KRTAP1-4: variants seen among roughly 807,000 people sequenced by gnomAD.
KRTAP1-4 encodes keratin-associated protein 1-4.
A neutral mutation model predicts 8.6 loss-of-function variants in KRTAP1-4; 5 were observed. The ratio of observed to expected loss-of-function variants is 0.58; its 90% CI spans 0.30 to 1.23. The LOEUF (loss-of-function observed/expected upper bound fraction) is 1.23. Among genes scored for constraint, KRTAP1-4 ranks in the 50% most tolerant of loss-of-function variants. KRTAP1-4 has a pLI of 0.07. For synonymous variants in KRTAP1-4, 50 were observed against 58.9 expected (o/e 0.85, Z 0.69); for missense variants, 157 against 160.7 (o/e 0.98, Z 0.12).
chr17:41,029,727 C>A lies in KRTAP1-4; in HGVS notation c.352G>T (p.Glu118Ter). ...CAACCTGGCTTTTAGCAGGTGGGCT[C>A]ACAGCAGTGGCAGCAGCAGGCTGGG... ...CRPACCCHCC[E>*]PTC The change falls in exon 1 of 1, where the codon GAG becomes TAG. Residue 118 changes from glutamate to a stop codon, truncating the protein, a stop_gained. Transcript: ENST00000377747. LOFTEE classifies it high-confidence loss of function. The A allele has an allele frequency of 6.4e-7, 1 of 1,558,980 alleles. No homozygotes were observed. Among genetic ancestry groups the A allele is most frequent in the Non-Finnish European group, 8.7e-7 (1 of 1,150,272 alleles).
rs183898893 is a variant in KRTAP1-4 at position 41,029,714 on chromosome 17, T to C, written c.365A>G (p.Ter122=). The change falls in exon 1 of 1, where the codon TAA becomes TGA. Residue 122 remains the stop codon, a stop_retained_variant. Coordinates refer to ENST00000377747, the MANE Select transcript of KRTAP1-4 (RefSeq NM_001257305.2). The stretch of plus-strand genomic sequence containing the variant: ...CTTAAGCGATCAGCAACCTGGCTTT[T>C]AGCAGGTGGGCTCACAGCAGTGGCA... ...CCCHCCEPTC[*] 4.2e-4 allele frequency: 641 copies of C among 1,535,940 alleles called. 6 individuals are homozygous for C. The East Asian group carries it at 9.9e-3, about 24-fold the overall frequency.
In KRTAP1-4 at chr17:41,030,145, T is replaced by A. The variant is rs577627198; in HGVS notation, c.-67A>T. On this transcript the variant is annotated 5_prime_UTR_variant, in exon 1 of 1. Coordinates refer to ENST00000377747, the MANE Select transcript of KRTAP1-4 (RefSeq NM_001257305.2). ...CTGAGTTTGGGCTGTACCTTCTATA[T>A]CTGTCCTTTGATATGTTCCCTAGAG... 1.2e-5 allele frequency: 18 copies of A among 1,540,398 alleles called. No individual in the cohort carries two copies. The highest frequency in any genetic ancestry group is 1.6e-5 in the Non-Finnish European group (18 of 1,139,718).
chr17:41,029,943 C>T lies in KRTAP1-4; in HGVS notation c.136G>A (p.Gly46Ser), dbSNP rs141392271. 49,638 of 1,608,874 alleles carry T rather than the reference C, an allele frequency of 0.031. 2,456 individuals carry two copies. Among genetic ancestry groups the T allele is most frequent in the East Asian group, 0.17 (7,626 of 44,592 alleles). Residue 46 changes from glycine to serine, a missense_variant, in exon 1 of 1, where the codon GGC (glycine) becomes AGC (serine). Gly to Ser is a moderately conservative substitution (Grantham distance 56). Coordinates refer to ENST00000377747, the MANE Select transcript of KRTAP1-4 (RefSeq NM_001257305.2). Reference sequence around the variant, plus strand: ...CCACCGCTGCCCTCCTGGCCATAGCCAATGCCACCACCAATGCCACAGCCG... The same window carrying T: ...CCACCGCTGCCCTCCTGGCCATAGCTAATGCCACCACCAATGCCACAGCCG... ...GTGCGIGGGIGYGQEGSGGSV... is the reference protein window; with the variant it reads ...GTGCGIGGGISYGQEGSGGSV...
In KRTAP1-4 at chr17:41,029,516, C is replaced by T. The variant is rs1036424522; in HGVS notation, c.*197G>A. ...CTCTGCTCAAGCAACGCAAGCTATC[C>T]AGAACACTGATTGATACATCTTTCA... is the stretch of plus-strand genomic sequence containing the variant. On this transcript the variant is annotated 3_prime_UTR_variant, in exon 1 of 1. Coordinates refer to ENST00000377747, the MANE Select transcript of KRTAP1-4 (RefSeq NM_001257305.2). 4.6e-5 allele frequency among the ~76,000 whole-genome samples: 7 copies of T among 152,212 alleles called. No homozygotes were observed. Among genetic ancestry groups the T allele is most frequent in the African/African-American group, 1.7e-4 (7 of 41,456 alleles).
rs768650360 is a variant in KRTAP1-4 at position 41,029,899 on chromosome 17, G to T, written c.180C>A (p.Ile60=). The T allele has an allele frequency of 4.4e-6, 7 of 1,606,496 alleles. No individual in the cohort carries two copies. Among genetic ancestry groups the T allele is most frequent in the Non-Finnish European group, 5.9e-6 (7 of 1,177,592 alleles). ...EGSGGSVSTR[I]RWCHPDCHVE... ...CGTGGCAATCTGGGTGGCACCACCTGATACGGGTGCTCACAGATCCACCGC... is the reference window on the plus strand; with the variant it reads ...CGTGGCAATCTGGGTGGCACCACCTTATACGGGTGCTCACAGATCCACCGC... The change falls in exon 1 of 1, where the codon ATC becomes ATA. Residue 60 remains isoleucine, a synonymous_variant. Coordinates refer to ENST00000377747, the MANE Select transcript of KRTAP1-4 (RefSeq NM_001257305.2).
Position 41,029,903 on chromosome 17 carries a change from C to A in KRTAP1-4, c.176G>T (p.Arg59Leu). ...GCAATCTGGGTGGCACCACCTGATA[C>A]GGGTGCTCACAGATCCACCGCTGCC... ...QEGSGGSVST[R>L]IRWCHPDCHV... Residue 59 changes from arginine (R) to leucine (L), a missense_variant, in exon 1 of 1, where the codon CGT (arginine) becomes CTT (leucine). By Grantham distance (102) the Arg-to-Leu change is moderately radical. Transcript: ENST00000377747. 6.2e-7 allele frequency: 1 copy of A among 1,606,294 alleles called. No homozygotes were observed.
In KRTAP1-4 at chr17:41,029,742, A is replaced by G. The variant is rs1223863881; in HGVS notation, c.337T>C (p.Cys113Arg). Reference sequence around the variant, plus strand: ...CAGGTGGGCTCACAGCAGTGGCAGCAGCAGGCTGGGCGGCAGCAGGACTGT... The same window carrying G: ...CAGGTGGGCTCACAGCAGTGGCAGCGGCAGGCTGGGCGGCAGCAGGACTGT... ...CGQSCCRPAC[C>R]CHCCEPTC The change falls in exon 1 of 1, where the codon TGC (cysteine) becomes CGC (arginine). Residue 113 changes from cysteine (C) to arginine (R), a missense_variant. Physicochemically the swap from Cys to Arg is radical, Grantham distance 180. Transcript: ENST00000377747. 6.4e-7 allele frequency: 1 copy of G among 1,569,950 alleles called. No individual in the cohort carries two copies. The highest frequency in any genetic ancestry group is 1.8e-5 in the Admixed American group (1 of 56,870).
At position 41,029,725 on chromosome 17, in the gene KRTAP1-4, C is replaced by T; in HGVS notation, c.354G>A (p.Glu118=). 1 of 1,557,600 alleles carries T rather than the reference C, an allele frequency of 6.4e-7. No homozygotes were observed. Among genetic ancestry groups the T allele is most frequent in the African/African-American group, 1.3e-5 (1 of 74,090 alleles). Residue 118 remains glutamate (E), a synonymous_variant, in exon 1 of 1, where the codon GAG becomes GAA. Coordinates refer to ENST00000377747, the MANE Select transcript of KRTAP1-4 (RefSeq NM_001257305.2). ...AGCAACCTGGCTTTTAGCAGGTGGG[C>T]TCACAGCAGTGGCAGCAGCAGGCTG... ...CRPACCCHCC[E]PTC is the part of the protein sequence containing the mutation.
Position 41,030,174 on chromosome 17 carries a change from C to T in KRTAP1-4, c.-96G>A. 1 of 1,484,090 alleles carries T rather than the reference C, an allele frequency of 6.7e-7. No individual in the cohort carries two copies. Among genetic ancestry groups the T allele is most frequent in the Non-Finnish European group, 9.1e-7 (1 of 1,101,758 alleles). The allele number at this position is 1,484,090 out of a possible 1,614,324, so 91.9% of individuals were successfully genotyped here. Reference sequence around the variant, plus strand: ...TCCTTTGATATGTTCCCTAGAGCTGCATATTTACCCAACACCTTTTCTTGA... The same window carrying T: ...TCCTTTGATATGTTCCCTAGAGCTGTATATTTACCCAACACCTTTTCTTGA... On this transcript the variant is annotated 5_prime_UTR_variant, in exon 1 of 1. An upstream start codon of the reference 5' UTR is lost. Transcript: ENST00000377747.
At position 41,029,680 on chromosome 17, in the gene KRTAP1-4, C is replaced by G; in HGVS notation, c.*33G>C. 6.6e-7 allele frequency: 1 copy of G among 1,505,986 alleles called. No individual in the cohort carries two copies. 93.3% of individuals were successfully genotyped at this position (1,505,986 alleles called of 1,614,324 possible). A position where few individuals can be genotyped will look rare whatever the true frequency, so the allele number is the denominator to read the frequency against. On this transcript the variant is annotated 3_prime_UTR_variant, in exon 1 of 1. Transcript: ENST00000377747. The stretch of plus-strand genomic sequence containing the variant: ...ATCAGCACAATTTTGCTGTGCTTCC[C>G]CTTTCATTCTTAAGCGATCAGCAAC...
Position 41,030,124 on chromosome 17 carries a change from G to A in KRTAP1-4, c.-46C>T. 1 of 1,552,652 alleles carries A rather than the reference G, an allele frequency of 6.4e-7. No homozygotes were observed. On this transcript the variant is annotated 5_prime_UTR_variant, in exon 1 of 1. Coordinates refer to ENST00000377747, the MANE Select transcript of KRTAP1-4 (RefSeq NM_001257305.2). Reference sequence around the variant, plus strand: ...GAGCTGTGTTAAGAGAGGTTTCTGAGTTTGGGCTGTACCTTCTATATCTGT... The same window carrying A: ...GAGCTGTGTTAAGAGAGGTTTCTGAATTTGGGCTGTACCTTCTATATCTGT...
Position 41,029,817 on chromosome 17 carries a change from A to G in KRTAP1-4, c.262T>C (p.Cys88Arg). The part of the protein sequence containing the change: ...YLVSCTPPSC[C>R]QLHHAEASCC... ...GAGGCCTCGGCGTGGTGCAGCTGGC[A>G]GCAGGATGGGGGTGTGCAGCTTACC... is the stretch of plus-strand genomic sequence containing the variant. Residue 88 changes from cysteine to arginine, a missense_variant, in exon 1 of 1, where the codon TGC becomes CGC. Coordinates refer to ENST00000377747, the MANE Select transcript of KRTAP1-4 (RefSeq NM_001257305.2). The G allele has an allele frequency of 6.2e-7, 1 of 1,611,492 alleles. No homozygotes were observed. The highest frequency in any genetic ancestry group is 8.5e-7 in the Non-Finnish European group (1 of 1,179,172).
In KRTAP1-4 at chr17:41,029,784, G is replaced by C. The variant is rs368365658; in HGVS notation, c.295C>G (p.Arg99Gly). The change falls in exon 1 of 1, where the codon CGC becomes GGC. Residue 99 changes from arginine (R) to glycine (G), a missense_variant. Transcript: ENST00000377747. ...QLHHAEASCC[R>G]PSYCGQSCCR... ...CAGGACTGTCCACAGTAGGACGGGC[G>C]GCAGCAGGAGGCCTCGGCGTGGTGC... 1 of 1,603,336 alleles carries C rather than the reference G, an allele frequency of 6.2e-7. No homozygotes were observed. Among genetic ancestry groups the C allele is most frequent in the African/African-American group, 1.3e-5 (1 of 74,838 alleles).
In KRTAP1-4 at chr17:41,029,444, G is replaced by A. The variant is rs758041552; in HGVS notation, c.*269C>T. ...GATGCATGAGCATCAAGAGAGAGTTGGGGGAGCAGAGATGTCACTGAAATG... is the reference window on the plus strand; with the variant it reads ...GATGCATGAGCATCAAGAGAGAGTTAGGGGAGCAGAGATGTCACTGAAATG... On this transcript the variant is annotated 3_prime_UTR_variant, in exon 1 of 1. Transcript: ENST00000377747. Among the ~76,000 whole-genome samples the A allele has an allele frequency of 2.0e-5, 3 of 152,212 alleles. No individual in the cohort carries two copies. The highest frequency in any genetic ancestry group is 4.8e-5 in the African/African-American group (2 of 41,458).
rs575093773 is a variant in KRTAP1-4, at chr17:41,030,002, T to C, written c.77A>G (p.Gln26Arg). Residue 26 changes from glutamine (Q) to arginine (R), a missense_variant, in exon 1 of 1, where the codon CAG (glutamine) becomes CGG (arginine). Transcript: ENST00000377747. ...GGAGCTGGTCTGGCAGCAGCTTGGC[T>C]GGCAGCAGCTAGTTTCACAGCAGCT... is the stretch of plus-strand genomic sequence containing the variant. ...QPSCCETSCC[Q>R]PSCCQTSSCG... 1 of 1,610,574 alleles carries C rather than the reference T, an allele frequency of 6.2e-7. No homozygotes were observed. The highest frequency in any genetic ancestry group is 1.3e-5 in the African/African-American group (1 of 74,964).
rs1246061369 is a variant in KRTAP1-4, at chr17:41,030,052, G to A, written c.27C>T (p.Thr9=). The change falls in exon 1 of 1, where the codon ACC becomes ACT. Residue 9 remains threonine (T), a synonymous_variant. Transcript: ENST00000377747. MASCSTSG[T]CGSSCCQPSC... is the part of the protein sequence containing the mutation. ...TTGGCTGGCAGCAGCTGGAGCCACA[G>A]GTCCCACTGGTGGAACAGCTGGCCA... is the stretch of plus-strand genomic sequence containing the variant. 6.2e-7 allele frequency: 1 copy of A among 1,602,538 alleles called. No homozygotes were observed. Among genetic ancestry groups the A allele is most frequent in the Non-Finnish European group, 8.5e-7 (1 of 1,174,610 alleles).
rs935521179 is a variant in KRTAP1-4, at chr17:41,030,183, C to A, written c.-105G>T. 4.1e-6 allele frequency: 6 copies of A among 1,459,172 alleles called. No individual in the cohort carries two copies. In the South Asian group the frequency reaches 8.1e-5, roughly 20 times the overall value. 90.4% of individuals were successfully genotyped at this position (1,459,172 alleles called of 1,614,324 possible). A position where few individuals can be genotyped will look rare whatever the true frequency, so the allele number is the denominator to read the frequency against. On this transcript the variant is annotated 5_prime_UTR_variant, in exon 1 of 1. Coordinates refer to ENST00000377747, the MANE Select transcript of KRTAP1-4 (RefSeq NM_001257305.2). ...ATGTTCCCTAGAGCTGCATATTTAC[C>A]CAACACCTTTTCTTGATGTCAATTT...
chr17:41,029,913 C>T lies in KRTAP1-4; in HGVS notation c.166G>A (p.Val56Met). Residue 56 changes from valine to methionine, a missense_variant, in exon 1 of 1, where the codon GTG becomes ATG. Transcript: ENST00000377747. ...GYGQEGSGGSVSTRIRWCHPD... is the reference protein window; with the variant it reads ...GYGQEGSGGSMSTRIRWCHPD... ...TGGCACCACCTGATACGGGTGCTCA[C>T]AGATCCACCGCTGCCCTCCTGGCCA... is the stretch of plus-strand genomic sequence containing the variant. 1 of 1,606,528 alleles carries T rather than the reference C, an allele frequency of 6.2e-7. No homozygotes were observed.
chr17:41,030,168 G>A lies in KRTAP1-4; in HGVS notation c.-90C>T. The A allele has an allele frequency of 4.6e-6, 7 of 1,506,606 alleles. No homozygotes were observed. Among genetic ancestry groups the A allele is most frequent in the Non-Finnish European group, 6.3e-6 (7 of 1,117,578 alleles). 93.3% of individuals were successfully genotyped at this position (1,506,606 alleles called of 1,614,324 possible). ...TATCTGTCCTTTGATATGTTCCCTA[G>A]AGCTGCATATTTACCCAACACCTTT... On this transcript the variant is annotated 5_prime_UTR_variant, in exon 1 of 1. Transcript: ENST00000377747.
Sources: allele counts gnomAD v4.1 joint callset (sites outside exome capture counted in the v4.1 genomes callset), GRCh38; gene constraint gnomAD v4.1.1; transcripts MANE v1.5; gene names NCBI Gene and HGNC (gene_info 2026-07-23, HGNC 2026-07-21).